GALNT14: variants seen among roughly 807,000 people sequenced by gnomAD.
GALNT14 encodes polypeptide N-acetylgalactosaminyltransferase 14, also known as UDP-GalNAc:polypeptide N-acetylgalactosaminyltransferase 14.
A neutral mutation model predicts 77.5 loss-of-function variants in GALNT14; 60 were observed. That is an observed-to-expected ratio of 0.77 (90% CI 0.63 to 0.96). The LOEUF is 0.96. GALNT14 is among the 40% of genes least tolerant of loss of function. The pLI, the probability that GALNT14 is intolerant of heterozygous loss-of-function variation, is 0.00. For missense variants in GALNT14, 710 were observed against 731.0 expected (o/e 0.97, Z 0.33); for synonymous variants, 280 against 281.7 (o/e 0.99, Z 0.06).
chr2:31,038,804 G>A (rs1276844074), intron 1 of GALNT14, among the ~76,000 whole-genome samples: 1 of 150,390 alleles, frequency 6.6e-6, no homozygotes, highest in African/African-American at 2.5e-5. Flanking sequence ...GGAGTGCAGT[G>A]GGGCAATCTC....
chr2:31,023,586 T>C (rs1671864338), intron 1 of GALNT14, among the ~76,000 whole-genome samples: 1 of 152,090 alleles, frequency 6.6e-6, no homozygotes, highest in Non-Finnish European at 1.5e-5. Context: ...CCAACCCCAT[T>C]AGGCTTTTAT....
In GALNT14 at chr2:30,924,876, G is replaced by A. The variant is rs1572975404; in HGVS notation, c.1152-53C>T. The stretch of plus-strand genomic sequence containing the variant: ...ACAAAGACAAAACACAGCTGTCAGA[G>A]GCAGGCGCCAGCAACGCCAGTCCAG... On this transcript the variant is annotated intron_variant, in intron 11 of 14. Coordinates refer to ENST00000349752, the MANE Select transcript of GALNT14 (RefSeq NM_024572.4). 13 of 1,510,952 alleles carry A rather than the reference G, an allele frequency of 8.6e-6. No individual in the cohort carries two copies. The East Asian group carries it at 2.7e-4, about 32-fold the overall frequency. The allele number at this position is 1,510,952 out of a possible 1,614,324, so 93.6% of individuals were successfully genotyped here.
chr2:30,907,229 T>C (rs998264954), downstream of GALNT14, among the ~76,000 whole-genome samples: 3 of 151,702 alleles, frequency 2.0e-5, no homozygotes, highest in Non-Finnish European at 2.9e-5. Context: ...CTGAAGGAAA[T>C]AGAGACACAA....
At chr2:31,019,908 C>T (rs6738760) in intron 1 of GALNT14, among the ~76,000 whole-genome samples, 7,338 of 152,270 alleles carry the variant, frequency 0.048, 245 homozygotes, top group Non-Finnish European at 0.078. Flanking sequence ...AAGGCTTACT[C>T]TTGGGCCAGA....
Position 30,992,923 on chromosome 2 carries a change from C to T in GALNT14, c.214G>A (p.Asp72Asn), listed in dbSNP as rs1450914153. 4 of 1,614,142 alleles carry T rather than the reference C, an allele frequency of 2.5e-6. No individual in the cohort carries two copies. Among genetic ancestry groups the T allele is most frequent in the Non-Finnish European group, 3.4e-6 (4 of 1,180,016 alleles). ...TTGAAAGCATACAGCTTATAGGGGT[C>T]GTCACCAACGCGCCACTTTTTGGCA... ...LNAKKWRVGDDPYKLYAFNQR... is the reference protein window; with the variant it reads ...LNAKKWRVGDNPYKLYAFNQR... Residue 72 changes from aspartate (D) to asparagine (N), a missense_variant, in exon 2 of 15, where the codon GAC (aspartate) becomes AAC (asparagine). Physicochemically the swap from Asp to Asn is conservative, Grantham distance 23. Transcript: ENST00000349752.
intron 13 of GALNT14, among the ~76,000 whole-genome samples, chr2:30,923,056 CTTTTTTTTTTTTTTT>C (rs56163710): frequency 1.7e-5 from 2 of 116,526 alleles, no homozygotes; most frequent in African/African-American, 6.7e-5. Context: ...ACAAACGTGC[CTTTTTTTTTTTTTTT>C]TTTTTTTTGA....
intron 1 of GALNT14, among the ~76,000 whole-genome samples, chr2:31,086,571 A>G (rs6753457): frequency 6.6e-6 from 1 of 151,562 alleles, no homozygotes; most frequent in Non-Finnish European, 1.5e-5. Context: ...AAAAAAAAAA[A>G]CCATAAAAGG....
intron 2 of GALNT14, among the ~76,000 whole-genome samples, chr2:30,967,031 C>T (rs1247837104): frequency 5.9e-5 from 9 of 152,146 alleles, no homozygotes; most frequent in Non-Finnish European, 1.0e-4. Context: ...GGGGCTATCA[C>T]TGGGTAAATG....
the GALNT14 span, among the ~76,000 whole-genome samples, chr2:30,892,008 C>T: frequency 6.6e-6 from 1 of 152,186 alleles, no homozygotes; most frequent in Non-Finnish European, 1.5e-5. Context: ...AGAGCGAACA[C>T]CTACGAATAT....
intron 1 of GALNT14, among the ~76,000 whole-genome samples, chr2:31,100,943 G>A (rs910901195): frequency 3.9e-5 from 6 of 151,954 alleles, no homozygotes; most frequent in Admixed American, 1.3e-4. Flanking sequence ...AAATATCTCC[G>A]ATAATTTATT....
At chr2:30,888,039 C>G in the GALNT14 span, among the ~76,000 whole-genome samples, 2 of 152,156 alleles carry the variant, frequency 1.3e-5, no homozygotes, top group African/African-American at 2.4e-5. Context: ...TCTGGGACAT[C>G]CTTTTACCCT....
At chr2:31,117,182 T>C (rs1283335132) in intron 1 of GALNT14, among the ~76,000 whole-genome samples, 1 of 152,226 alleles carries the variant, frequency 6.6e-6, no homozygotes, top group Admixed American at 6.5e-5. Context: ...CATTCTCATC[T>C]CATAATTCAA....
chr2:30,929,286 G>A, intron 11 of GALNT14, 109 bp downstream of exon 11: 1 of 736,886 alleles, frequency 1.4e-6, no homozygotes. Flanking sequence ...GGGCCCTGCG[G>A]GAGCTGAGGG....
chr2:30,972,928 C>A (rs1668446885), intron 2 of GALNT14, among the ~76,000 whole-genome samples: 1 of 152,170 alleles, frequency 6.6e-6, no homozygotes, highest in South Asian at 2.1e-4. Flanking sequence ...GAAGATGTGA[C>A]CTCAGCAAGG....
chr2:30,945,697 G>T, intron 7 of GALNT14, 86 bp downstream of exon 7: 1 of 1,102,032 alleles, frequency 9.1e-7, no homozygotes, highest in Non-Finnish European at 1.4e-6. Flanking sequence ...GCAACTAAGA[G>T]CTTTTCCTTC....
intron 1 of GALNT14, among the ~76,000 whole-genome samples, chr2:31,072,847 CTGAT>C (rs980334342): frequency 9.8e-5 from 15 of 152,352 alleles, no homozygotes; most frequent in Middle Eastern, 6.8e-3. Context: ...TCTGGGCTTG[CTGAT>C]TGTCTACTTG....
rs1407597099 is a variant in GALNT14 at position 31,010,511 on chromosome 2, A to C, written c.130-17504T>G. 4.6e-5 allele frequency among the ~76,000 whole-genome samples: 7 copies of C among 152,322 alleles called. 1 individual carries two copies. In the East Asian group the frequency reaches 1.4e-3, roughly 29 times the overall value. On this transcript the variant is annotated intron_variant, in intron 1 of 14. Coordinates refer to ENST00000349752, the MANE Select transcript of GALNT14 (RefSeq NM_024572.4). ...GCACCTGTAGTCCCAGCTACTTGGG[A>C]GGCTGAGGCAGGAGAATGGCGTGAA...
At chr2:31,012,337 A>T (rs1262962805) in intron 1 of GALNT14, among the ~76,000 whole-genome samples, 1 of 152,160 alleles carries the variant, frequency 6.6e-6, no homozygotes, top group Non-Finnish European at 1.5e-5. Context: ...AAGCAAGCAA[A>T]TCTGGTCCCT....
intron 1 of GALNT14, among the ~76,000 whole-genome samples, chr2:31,025,209 CAG>C (rs1558503204): frequency 6.6e-6 from 1 of 152,134 alleles, no homozygotes; most frequent in Non-Finnish European, 1.5e-5. Flanking sequence ...ATTCCTATTT[CAG>C]AGGTGGGGAA....
Sources: allele counts gnomAD v4.1 joint callset (sites outside exome capture counted in the v4.1 genomes callset), GRCh38; gene constraint gnomAD v4.1.1; transcripts MANE v1.5; gene names NCBI Gene and HGNC (gene_info 2026-07-23, HGNC 2026-07-21).